The following DNM3 variants were observed in gnomAD, a reference collection of about 807,000 sequenced individuals.
DNM3 encodes the protein dynamin-3.
A neutral mutation model predicts 101.6 loss-of-function variants in DNM3; 47 were observed. The observed-to-expected ratio is 0.46, with a 90% CI of 0.37 to 0.59. The LOEUF is 0.59. DNM3 is among the 20% of genes least tolerant of loss of function. DNM3 has a pLI of 0.00. For missense variants in DNM3, 849 were observed against 1,085.7 expected, an observed-to-expected ratio of 0.78 and a Z score of 3.06; for synonymous variants, 385 against 387.9, an observed-to-expected ratio of 0.99 and a Z score of 0.09.
intron 10 of DNM3, among the ~76,000 whole-genome samples, chr1:172,059,701 T>G (rs1466398130): frequency 7.8e-6 from 1 of 127,846 alleles, no homozygotes; most frequent in Non-Finnish European, 1.6e-5. Flanking sequence ...TATTTCAAAA[T>G]AATAAGAGCT....
intron 2 of DNM3, among the ~76,000 whole-genome samples, chr1:171,958,852 T>G (rs2043028749): frequency 6.6e-6 from 1 of 152,240 alleles, no homozygotes; most frequent in Non-Finnish European, 1.5e-5. Flanking sequence ...ACATAGTTTC[T>G]GCTAATGTTG....
chr1:171,932,839 C>G (rs1389945009), intron 2 of DNM3, among the ~76,000 whole-genome samples: 1 of 152,150 alleles, frequency 6.6e-6, no homozygotes, highest in Non-Finnish European at 1.5e-5. Flanking sequence ...GAGACATTGA[C>G]TAGAATATTA....
Position 171,921,748 on chromosome 1 carries a change from G to T in DNM3, c.162G>T (p.Arg54Ser). The T allele has an allele frequency of 3.2e-6, 5 of 1,583,362 alleles. No individual in the cohort carries two copies. Among genetic ancestry groups the T allele is most frequent in the Non-Finnish European group, 4.3e-6 (5 of 1,162,936 alleles). The change falls in exon 2 of 21, where the codon AGG becomes AGT. Residue 54 changes from arginine (R) to serine (S), a missense_variant and splice_region_variant. By Grantham distance (110) the Arg-to-Ser change is moderately radical. Coordinates refer to ENST00000627582, the MANE Select transcript of DNM3 (RefSeq NM_015569.5). ...AATCTGTATTTCTTACTTTTTTTAG[G>T]GACTTTCTCCCTCGAGGGTCGGGCA... ...KSSVLENFVG[R>S]DFLPRGSGIV...
intron 2 of DNM3, among the ~76,000 whole-genome samples, chr1:171,965,459 A>G (rs2125521672): frequency 6.6e-6 from 1 of 151,566 alleles, no homozygotes; most frequent in Admixed American, 6.6e-5. Flanking sequence ...AGGCTGAGGT[A>G]GGAGGATTAC....
intron 16 of DNM3, among the ~76,000 whole-genome samples, chr1:172,314,655 T>A (rs1404074767): frequency 6.6e-6 from 1 of 152,086 alleles, no homozygotes; most frequent in Admixed American, 6.5e-5. Context: ...CAGTCTGAGA[T>A]CAAACTGCAA....
intron 20 of DNM3, among the ~76,000 whole-genome samples, chr1:172,402,182 T>A (rs1165770840): frequency 1.3e-5 from 2 of 152,034 alleles, no homozygotes; most frequent in Non-Finnish European, 2.9e-5. Flanking sequence ...TCAAAAAAAA[T>A]GATGCAAGCA....
At chr1:171,957,215 T>TTG (rs2042921339) in intron 2 of DNM3, among the ~76,000 whole-genome samples, 2 of 150,004 alleles carry the variant, frequency 1.3e-5, no homozygotes, top group African/African-American at 2.5e-5. Context: ...TTTTTTTTTT[T>TTG]GAGACGGAGT....
intron 15 of DNM3, among the ~76,000 whole-genome samples, chr1:172,303,462 C>T (rs1454790711): frequency 6.6e-6 from 1 of 152,140 alleles, no homozygotes; most frequent in African/African-American, 2.4e-5. Flanking sequence ...ACTCTTCAGG[C>T]TATCATCCAG....
intron 14 of DNM3, among the ~76,000 whole-genome samples, chr1:172,159,046 G>A (rs751209159): frequency 6.6e-6 from 1 of 151,940 alleles, no homozygotes; most frequent in Non-Finnish European, 1.5e-5. Context: ...CAAATAAGGG[G>A]CAAAATGAGA....
At chr1:172,041,476 A>G (rs1351352331) in intron 7 of DNM3, among the ~76,000 whole-genome samples, 1 of 152,162 alleles carries the variant, frequency 6.6e-6, no homozygotes, top group Non-Finnish European at 1.5e-5. Context: ...AGTTGAGCAT[A>G]TGGGCCACTC....
intron 1 of DNM3, among the ~76,000 whole-genome samples, chr1:171,921,482 T>TA (rs1300649070): frequency 1.3e-5 from 2 of 152,228 alleles, no homozygotes; most frequent in East Asian, 3.8e-4. Context: ...GGCAAACTTT[T>TA]ATCAGTTTCA....
intron 1 of DNM3, among the ~76,000 whole-genome samples, chr1:171,869,467 C>T (rs2035074059): frequency 6.6e-6 from 1 of 152,352 alleles, no homozygotes; most frequent in East Asian, 1.9e-4. Context: ...GTAGTTATAT[C>T]TGTCAGTTAC....
In DNM3 at chr1:172,298,332, T is replaced by G. The variant is rs1015710265; in HGVS notation, c.1770-10396T>G. Among the ~76,000 whole-genome samples the G allele has an allele frequency of 2.6e-5, 4 of 152,352 alleles. No individual in the cohort carries two copies. The East Asian group carries it at 7.7e-4, about 29-fold the overall frequency. ...CAACTGCTGGACGCTTTAAGTGGGC[T>G]GGTCCCACAAGTGTGGGAAGGCACA... On this transcript the variant is annotated intron_variant, in intron 15 of 20. Transcript: ENST00000627582.
intron 1 of DNM3, among the ~76,000 whole-genome samples, chr1:171,919,898 A>G (rs2040021003): frequency 6.6e-6 from 1 of 152,188 alleles, no homozygotes; most frequent in Admixed American, 6.5e-5. Context: ...GCATGAGTCC[A>G]TGCCCACAGC....
chr1:172,320,021 GCACATATA>G (rs1156978731), intron 16 of DNM3, among the ~76,000 whole-genome samples: 3 of 151,716 alleles, frequency 2.0e-5, no homozygotes, highest in African/African-American at 7.3e-5. Context: ...AGAAAATGTG[GCACATATA>G]CACCATGGAA....
At chr1:171,974,031 G>C (rs2125559501) in intron 2 of DNM3, among the ~76,000 whole-genome samples, 1 of 151,852 alleles carries the variant, frequency 6.6e-6, no homozygotes, top group Middle Eastern at 3.4e-3. Flanking sequence ...TCAGAATACT[G>C]TAGGCATGGC....
chr1:172,030,712 A>C (rs575286903), intron 4 of DNM3, among the ~76,000 whole-genome samples: 20 of 152,284 alleles, frequency 1.3e-4, no homozygotes, highest in African/African-American at 4.6e-4. Flanking sequence ...AAGAAAAAAA[A>C]CAAACAACCC....
chr1:172,339,032 A>G (rs752731259), intron 17 of DNM3: 3 of 484,670 alleles, frequency 6.2e-6, no homozygotes, highest in South Asian at 4.5e-5. Flanking sequence ...GTTCATTGAC[A>G]TTTGGTTTTC....
rs2047203848 is a variant in DNM3, at chr1:172,012,619, T to C, written c.590-19783T>C. ...CTTATTTTTGAGGTAATTCTTCTCTTGCCTCTTTCCCTTTTCTTTTTCCCT... is the reference window on the plus strand; with the variant it reads ...CTTATTTTTGAGGTAATTCTTCTCTCGCCTCTTTCCCTTTTCTTTTTCCCT... On this transcript the variant is annotated intron_variant, in intron 4 of 20. Transcript: ENST00000627582. Among the ~76,000 whole-genome samples, 7 of 151,928 alleles carry C rather than the reference T, an allele frequency of 4.6e-5. 1 individual carries two copies. The South Asian group carries it at 1.5e-3, about 32-fold the overall frequency.
Sources: gnomAD v4.1 joint callset for allele counts (sites outside exome capture counted in the v4.1 genomes callset) on GRCh38, gnomAD v4.1.1 for gene constraint, MANE v1.5 for transcripts, NCBI Gene and HGNC (gene_info 2026-07-23, HGNC 2026-07-21) for gene names.